SORBS2: variants seen among roughly 807,000 people sequenced by gnomAD.
SORBS2 encodes the protein sorbin and SH3 domain containing 2, also known as sorbin and SH3 domain-containing protein 2.
A neutral mutation model predicts 97.7 loss-of-function variants in SORBS2; 46 were observed. The ratio of observed to expected loss-of-function variants is 0.47; its 90% CI spans 0.37 to 0.60. The LOEUF (loss-of-function observed/expected upper bound fraction) is 0.60, where lower values mean the gene tolerates loss of function less well. Ranked by LOEUF, SORBS2 falls within the 20% of genes least tolerant of loss-of-function variation. The pLI is 0.00. For synonymous variants in SORBS2, 476 were observed against 473.4 expected, an observed-to-expected ratio of 1.01 and a Z score of -0.07; for missense variants, 1,316 against 1,282.3, an observed-to-expected ratio of 1.03 and a Z score of -0.40.
chr4:185,724,228 G>A (rs2098539299), intron 2 of SORBS2, among the ~76,000 whole-genome samples: 1 of 151,702 alleles, frequency 6.6e-6, no homozygotes, highest in Non-Finnish European at 1.5e-5. Flanking sequence ...TGATGTTTGG[G>A]TGTTTGGGGA....
At chr4:185,901,780 T>C (rs1370111046) in intron 1 of SORBS2, among the ~76,000 whole-genome samples, 2 of 152,204 alleles carry the variant, frequency 1.3e-5, no homozygotes, top group East Asian at 1.9e-4. Context: ...GAGCAAAATA[T>C]ATGTGAATTT....
At chr4:185,801,109 C>A (rs547140395) in intron 1 of SORBS2, among the ~76,000 whole-genome samples, 15 of 152,306 alleles carry the variant, frequency 9.8e-5, no homozygotes, top group African/African-American at 3.1e-4. Flanking sequence ...ATTTAGACTC[C>A]ACATATAAGT....
chr4:185,669,738 C>T (rs1444743831), intron 4 of SORBS2, among the ~76,000 whole-genome samples: 11 of 152,150 alleles, frequency 7.2e-5, no homozygotes, highest in Non-Finnish European at 8.8e-5. Context: ...TGAAGACCAG[C>T]GCATGCCAAG....
intron 1 of SORBS2, among the ~76,000 whole-genome samples, chr4:185,785,123 T>C (rs2099049924): frequency 1.3e-5 from 2 of 151,844 alleles, no homozygotes; most frequent in East Asian, 3.9e-4. Context: ...TTTAGGGAGT[T>C]TTTAAATCTA....
At chr4:185,925,733 A>G (rs1339239473) in intron 1 of SORBS2, among the ~76,000 whole-genome samples, 3 of 152,166 alleles carry the variant, frequency 2.0e-5, no homozygotes, top group Non-Finnish European at 4.4e-5. Flanking sequence ...GAAAGCACAC[A>G]AGATTACCTC....
At chr4:185,774,128 T>A (rs1413861117) in intron 2 of SORBS2, 1 of 152,152 alleles carries the variant, frequency 6.6e-6, no homozygotes, top group Admixed American at 6.5e-5. Flanking sequence ...GATTTCAGCA[T>A]CCATGTTTTT....
chr4:185,838,553 G>A (rs539337707), intron 1 of SORBS2, among the ~76,000 whole-genome samples: 3 of 152,174 alleles, frequency 2.0e-5, no homozygotes, highest in African/African-American at 7.2e-5. Flanking sequence ...TTCCATTAGG[G>A]CCTCACTCCC....
intron 1 of SORBS2, among the ~76,000 whole-genome samples, chr4:185,898,936 G>A (rs1316257093): frequency 3.9e-5 from 6 of 152,142 alleles, no homozygotes; most frequent in Admixed American, 3.9e-4. Context: ...TTGCCTAGGG[G>A]ATGTTAATGG....
At chr4:185,652,133 C>T (rs2097325804) in intron 2 of SORBS2, among the ~76,000 whole-genome samples, 1 of 152,118 alleles carries the variant, frequency 6.6e-6, no homozygotes, top group Non-Finnish European at 1.5e-5. Flanking sequence ...CCACCACAGG[C>T]CTCTGCAAAC....
At chr4:185,896,254 G>A (rs140400982) in intron 1 of SORBS2, among the ~76,000 whole-genome samples, 5 of 152,286 alleles carry the variant, frequency 3.3e-5, no homozygotes, top group Middle Eastern at 3.4e-3. Context: ...TGGCATTGAC[G>A]GGTTCTGAAT....
intron 1 of SORBS2, among the ~76,000 whole-genome samples, chr4:185,858,680 C>A (rs1579215886): frequency 6.6e-6 from 1 of 152,246 alleles, no homozygotes; most frequent in African/African-American, 2.4e-5. Context: ...ACATCACCTA[C>A]CATGATGATT....
chr4:185,772,637 T>C (rs1399362890), intron 2 of SORBS2: 3 of 152,166 alleles, frequency 2.0e-5, no homozygotes, highest in Non-Finnish European at 2.9e-5. Flanking sequence ...AACGCAGACC[T>C]CTATCTGCCA....
intron 1 of SORBS2, among the ~76,000 whole-genome samples, chr4:185,829,775 A>C (rs1447056688): frequency 6.6e-6 from 1 of 152,246 alleles, no homozygotes; most frequent in Non-Finnish European, 1.5e-5. Context: ...TCATAATGTC[A>C]CAATATATTT....
intron 1 of SORBS2, among the ~76,000 whole-genome samples, chr4:185,819,887 G>T (rs533674519): frequency 6.6e-6 from 1 of 152,276 alleles, no homozygotes; most frequent in Non-Finnish European, 1.5e-5. Flanking sequence ...AAATGGTGTG[G>T]ATTCAAATAT....
intron 2 of SORBS2, among the ~76,000 whole-genome samples, chr4:185,770,257 C>T (rs780753461): frequency 7.9e-5 from 12 of 152,126 alleles, no homozygotes; most frequent in Admixed American, 6.5e-5. Context: ...TCATTAACAG[C>T]GATTTTTGTC....
intron 1 of SORBS2, among the ~76,000 whole-genome samples, chr4:185,819,243 T>C (rs7677454): frequency 0.99 from 151,486 of 152,336 alleles, 75,331 homozygotes; most frequent in Middle Eastern, 1. Context: ...ATTAGGACTC[T>C]AGCTCCTACC....
At chr4:185,889,335 C>T (rs2099241303) in intron 1 of SORBS2, among the ~76,000 whole-genome samples, 1 of 152,038 alleles carries the variant, frequency 6.6e-6, no homozygotes, top group African/African-American at 2.4e-5. Flanking sequence ...TCTCTCCCAC[C>T]CTACTTGATT....
At chr4:185,858,545 C>T (rs990956793) in intron 1 of SORBS2, among the ~76,000 whole-genome samples, 7 of 152,148 alleles carry the variant, frequency 4.6e-5, no homozygotes, top group African/African-American at 1.4e-4. Context: ...TTTCAGATTG[C>T]CATTTGCCAC....
chr4:185,736,902 T>C (rs1005012196), intron 2 of SORBS2, among the ~76,000 whole-genome samples: 15 of 152,222 alleles, frequency 9.9e-5, no homozygotes, highest in African/African-American at 3.6e-4. Flanking sequence ...CCATTTTACC[T>C]AACAATACCA....
Sources: allele counts gnomAD v4.1 joint callset (sites outside exome capture counted in the v4.1 genomes callset), GRCh38; gene constraint gnomAD v4.1.1; transcripts MANE v1.5; gene names NCBI Gene and HGNC (gene_info 2026-07-23, HGNC 2026-07-21).